ALDH3A1: variants seen among roughly 807,000 people sequenced by gnomAD.
The protein encoded by ALDH3A1 is aldehyde dehydrogenase, dimeric NADP-preferring.
ALDH3A1 carries 46 observed loss-of-function variants against 49.9 expected under a neutral mutation model. The observed-to-expected ratio is 0.92, with a 90% CI of 0.73 to 1.18. ALDH3A1 has a LOEUF of 1.18. ALDH3A1 is among the 50% of genes most tolerant of loss of function. The pLI is 0.00. For missense variants in ALDH3A1, 592 were observed against 611.8 expected, an observed-to-expected ratio of 0.97 and a Z score of 0.34; for synonymous variants, 269 against 253.3, an observed-to-expected ratio of 1.06 and a Z score of -0.59.
intron 7 of ALDH3A1, among the ~76,000 whole-genome samples, chr17:19,740,011 C>G (rs1040315998): frequency 1.3e-5 from 2 of 152,202 alleles, no homozygotes; most frequent in African/African-American, 4.8e-5. Context: ...TGGTGACCCA[C>G]AGCCTGGGCA....
intron 2 of ALDH3A1, chr17:19,744,730 G>T (rs935978150): frequency 2.2e-6 from 3 of 1,352,906 alleles, no homozygotes; most frequent in Admixed American, 3.8e-5. Flanking sequence ...AATGGGGGAC[G>T]CTGCGGGCGG....
Position 19,743,181 on chromosome 17 carries a change from C to T in ALDH3A1, c.394+51G>A. The T allele has an allele frequency of 6.2e-7, 1 of 1,605,802 alleles. No homozygotes were observed. The highest frequency in any genetic ancestry group is 8.5e-7 in the Non-Finnish European group (1 of 1,177,030). Reference sequence around the variant, plus strand: ...GCCTGAGCCCATCCTGGCTTGGCTCCACGCTGGGGGACGGTGCTCCCCCAG... The same window carrying T: ...GCCTGAGCCCATCCTGGCTTGGCTCTACGCTGGGGGACGGTGCTCCCCCAG... On this transcript the variant is annotated intron_variant, in intron 3 of 10. Coordinates refer to ENST00000225740, the MANE Select transcript of ALDH3A1 (RefSeq NM_000691.5). The surrounding 1 kb of genome is among the most constrained non-coding windows in gnomAD (Gnocchi z 4.4).
rs1326697028 is a variant in ALDH3A1, at chr17:19,746,656, TGTGTGTGTGTGCGTGTGTGTGC to T, written c.-5-1544_-5-1523del. On this transcript the variant is annotated intron_variant, in intron 1 of 10. Coordinates refer to ENST00000225740, the MANE Select transcript of ALDH3A1 (RefSeq NM_000691.5). ...GTGTGTGCGTGTGCGTGTGTGTGCA[TGTGTGTGTGTGCGTGTGTGTGC>T]ATGTGCGTGTGTGTGTGCGTGCGTG... Among the ~76,000 whole-genome samples, 1,268 of 142,148 alleles carry T rather than the reference TGTGTGTGTGTGCGTGTGTGTGC, an allele frequency of 8.9e-3. 16 individuals carry two copies. The highest frequency in any genetic ancestry group is 0.033 in the African/African-American group (1,200 of 36,784). 93.3% of individuals were successfully genotyped at this position (142,148 alleles called of 152,430 possible).
At position 19,739,074 on chromosome 17, in the gene ALDH3A1, C is replaced by G; in HGVS notation, c.1138G>C (p.Glu380Gln). The G allele has an allele frequency of 6.2e-7, 1 of 1,613,832 alleles. No individual in the cohort carries two copies. The highest frequency in any genetic ancestry group is 8.5e-7 in the Non-Finnish European group (1 of 1,179,974). The change falls in exon 9 of 11, where the codon GAG (glutamate) becomes CAG (glutamine). Residue 380 changes from glutamate (E) to glutamine (Q), a missense_variant. Glu to Gln is a conservative substitution (Grantham distance 29). Transcript: ENST00000225740. ...NDKVIKKMIA[E>Q]TSSGGVAAND... ...GCCGCCACCCCACCACTGGATGTCT[C>G]TGCAATCATCTTCTTAATCACCTGC...
rs778904408 is a variant in ALDH3A1 at position 19,745,117 on chromosome 17, T to C, written c.13A>G (p.Ser5Gly). ...GCGCGGGCGCGCTTCACGGCCTCGC[T>C]GATCTTGCTCATGGCGCCTGGGGAC... is the stretch of plus-strand genomic sequence containing the variant. MSKI[S>G]EAVKRARAAF... Residue 5 changes from serine (S) to glycine (G), a missense_variant, in exon 2 of 11, where the codon AGC becomes GGC. Coordinates refer to ENST00000225740, the MANE Select transcript of ALDH3A1 (RefSeq NM_000691.5). 14 of 1,579,970 alleles carry C rather than the reference T, an allele frequency of 8.9e-6. No homozygotes were observed. In the East Asian group the frequency reaches 3.0e-4, roughly 34 times the overall value.
At chr17:19,745,870 A>G (rs181977780) in intron 1 of ALDH3A1, among the ~76,000 whole-genome samples, 98 of 152,382 alleles carry the variant, frequency 6.4e-4, no homozygotes, top group Middle Eastern at 3.4e-3. Flanking sequence ...GCCTTTCCTA[A>G]ACATTCACGA....
chr17:19,743,585 G>A lies in ALDH3A1; in HGVS notation c.163-122C>T, dbSNP rs528422510. On this transcript the variant is annotated intron_variant, in intron 2 of 10. Transcript: ENST00000225740. This position sits in a 1 kb window ranked among gnomAD's most constrained non-coding sequence, Gnocchi z 4.4. ...GGTCACTCACCCAGCCCAGGGTGGGGGCAGCCGCAGAAGGCTCCCAGGGGA... is the reference window on the plus strand; with the variant it reads ...GGTCACTCACCCAGCCCAGGGTGGGAGCAGCCGCAGAAGGCTCCCAGGGGA... 1.3e-4 allele frequency: 197 copies of A among 1,467,038 alleles called. 1 individual carries two copies. In the Middle Eastern group the frequency reaches 4.0e-3, roughly 30 times the overall value. The allele number at this position is 1,467,038 out of a possible 1,614,324, so 90.9% of individuals were successfully genotyped here.
rs374507907 is a variant in ALDH3A1 at position 19,742,384 on chromosome 17, T to C, written c.480+161A>G. Among the ~76,000 whole-genome samples, 13 of 152,268 alleles carry C rather than the reference T, an allele frequency of 8.5e-5. No individual in the cohort carries two copies. In the East Asian group the frequency reaches 2.3e-3, roughly 27 times the overall value. On this transcript the variant is annotated intron_variant, in intron 4 of 10. Transcript: ENST00000225740. ...ACCGCCTTTCCTGGCCCAGGGGCTC[T>C]GTTCACCCCAATGAGAGAGGGCAGC...
chr17:19,740,559 G>A (rs1597666843), intron 6 of ALDH3A1, 82 bp from the exon 7 acceptor site: 3 of 1,516,550 alleles, frequency 2.0e-6, no homozygotes, highest in East Asian at 4.5e-5. Flanking sequence ...GGCCAGCAGT[G>A]TCTGTCTTTG....
At chr17:19,744,914 C>CCCCCCCCCCCCCCCCGGG in intron 2 of ALDH3A1, 54 bp downstream of exon 2, 2 of 1,196,490 alleles carry the variant, frequency 1.7e-6, no homozygotes, top group Non-Finnish European at 2.2e-6. Flanking sequence ...CCTCCCCCCA[C>CCCCCCCCCCCCCCCCGGG]GCCCCATCGC....
intron 7 of ALDH3A1, 25 bp downstream of exon 7, chr17:19,740,311 G>C (rs767646732): frequency 1.9e-6 from 3 of 1,610,678 alleles, no homozygotes; most frequent in Non-Finnish European, 2.5e-6. Flanking sequence ...GGGCAGGTGG[G>C]CTGTGCTCTT....
rs757032351 is a variant in ALDH3A1 at position 19,745,033 on chromosome 17, G to C, written c.97C>G (p.Leu33Val). The change falls in exon 2 of 11, where the codon CTG becomes GTG. Residue 33 changes from leucine to valine, a missense_variant. Physicochemically the swap from Leu to Val is conservative, Grantham distance 32. Transcript: ENST00000225740. ...LQFRIQQLEA[L>V]QRLIQEQEQE... ...TCCTGCTCCTGGATCAGGCGCTGCA[G>C]CGCCTCCAGCTGCTGGATCCGGAAC... is the stretch of plus-strand genomic sequence containing the variant. 24 of 1,596,316 alleles carry C rather than the reference G, an allele frequency of 1.5e-5. No homozygotes were observed. The highest frequency in any genetic ancestry group is 5.4e-5 in the African/African-American group (4 of 74,650).
Position 19,743,627 on chromosome 17 carries a change from GC to G in ALDH3A1, c.163-165del. The G allele has an allele frequency of 1.4e-6, 2 of 1,426,520 alleles. No homozygotes were observed. The highest frequency in any genetic ancestry group is 1.8e-6 in the Non-Finnish European group (2 of 1,094,924). 88.4% of individuals were successfully genotyped at this position (1,426,520 alleles called of 1,614,324 possible). A position where few individuals can be genotyped will look rare whatever the true frequency, so the allele number is the denominator to read the frequency against. Reference sequence around the variant, plus strand: ...CCCAGGGGAAGCAGAGCCAGGATTAGCCGTTGGACCTGTGGGTCTGAGAGGA... The same window carrying G: ...CCCAGGGGAAGCAGAGCCAGGATTAGCGTTGGACCTGTGGGTCTGAGAGGA... On this transcript the variant is annotated intron_variant, in intron 2 of 10. Coordinates refer to ENST00000225740, the MANE Select transcript of ALDH3A1 (RefSeq NM_000691.5). This position sits in a 1 kb window ranked among gnomAD's most constrained non-coding sequence, Gnocchi z 4.4.
At position 19,738,571 on chromosome 17, in the gene ALDH3A1, C is replaced by A. The variant is rs913247072; in HGVS notation, c.1217-118G>T. 3.6e-6 allele frequency: 5 copies of A among 1,402,328 alleles called. No homozygotes were observed. The African/African-American group carries it at 7.1e-5, about 20-fold the overall frequency. The allele number at this position is 1,402,328 out of a possible 1,614,324, so 86.9% of individuals were successfully genotyped here. On this transcript the variant is annotated intron_variant, in intron 9 of 10. Coordinates refer to ENST00000225740, the MANE Select transcript of ALDH3A1 (RefSeq NM_000691.5). The stretch of plus-strand genomic sequence containing the variant: ...CAGGGACAGGGAGGCAGAGCCCCAG[C>A]CACCATCACCCATCCTTCCCTCAAA...
chr17:19,739,555 G>T lies in ALDH3A1; in HGVS notation c.1069C>A (p.Gln357Lys). 4 of 1,613,320 alleles carry T rather than the reference G, an allele frequency of 2.5e-6. No homozygotes were observed. The highest frequency in any genetic ancestry group is 2.5e-6 in the Non-Finnish European group (3 of 1,179,786). The change falls in exon 8 of 11, where the codon CAG becomes AAG. Residue 357 changes from glutamine to lysine, a missense_variant. Transcript: ENST00000225740. The part of the protein sequence containing the change: ...SLEEAIQFIN[Q>K]REKPLALYMF... ...TAGAGGGCCAGGGGCTTCTCACGCT[G>T]GTTGATGAACTGGATGGCCTCCTCC... is the stretch of plus-strand genomic sequence containing the variant.
chr17:19,743,313 G>T lies in ALDH3A1; in HGVS notation c.313C>A (p.Leu105Met). ...GTGCCAATGACGAGGACCACGCCCA[G>T]TGGCTCCGAGTGGATGTAGAGCTCG... is the stretch of plus-strand genomic sequence containing the variant. ...QDELYIHSEP[L>M]GVVLVIGTWN... The change falls in exon 3 of 11, where the codon CTG becomes ATG. Residue 105 changes from leucine to methionine, a missense_variant. Leu to Met is a conservative substitution (Grantham distance 15). Transcript: ENST00000225740. The surrounding 1 kb of genome is among the most constrained non-coding windows in gnomAD (Gnocchi z 4.4). 4 of 1,614,212 alleles carry T rather than the reference G, an allele frequency of 2.5e-6. No homozygotes were observed. The South Asian group carries it at 3.3e-5, about 13-fold the overall frequency.
At chr17:19,742,491 G>A (rs1597670280) in intron 4 of ALDH3A1, 54 bp downstream of exon 4, 2 of 1,565,274 alleles carry the variant, frequency 1.3e-6, no homozygotes, top group East Asian at 2.3e-5. Context: ...CAAAGACCTG[G>A]CCCTAGCTCA....
chr17:19,740,422 G>T lies in ALDH3A1; in HGVS notation c.863C>A (p.Ala288Asp), dbSNP rs759014850. The T allele has an allele frequency of 6.2e-6, 10 of 1,614,128 alleles. No homozygotes were observed. Among genetic ancestry groups the T allele is most frequent in the East Asian group, 2.2e-5 (1 of 44,870 alleles). The change falls in exon 7 of 11, where the codon GCC becomes GAC. Residue 288 changes from alanine to aspartate, a missense_variant. By Grantham distance (126) the Ala-to-Asp change is moderately radical. Coordinates refer to ENST00000225740, the MANE Select transcript of ALDH3A1 (RefSeq NM_000691.5). ...KSRDYGRIIS[A>D]RHFQRVMGLI... is the part of the protein sequence containing the mutation. Reference sequence around the variant, plus strand: ...GCCCATCACCCTCTGGAAGTGCCGGGCACTAATGATTCTTCCATAGTCCCG... The same window carrying T: ...GCCCATCACCCTCTGGAAGTGCCGGTCACTAATGATTCTTCCATAGTCCCG...
At position 19,738,031 on chromosome 17, in the gene ALDH3A1, G is replaced by T. The variant is rs1324953388; in HGVS notation, c.*190C>A. On this transcript the variant is annotated 3_prime_UTR_variant, in exon 11 of 11. Coordinates refer to ENST00000225740, the MANE Select transcript of ALDH3A1 (RefSeq NM_000691.5). ...TTCGTCTCTTTATTGGTCTAGAAAG[G>T]GGTGGAGACTTGGAATGGTGAGGCC... is the stretch of plus-strand genomic sequence containing the variant. The T allele has an allele frequency of 1.3e-6, 2 of 1,516,634 alleles. No homozygotes were observed. The highest frequency in any genetic ancestry group is 1.8e-6 in the Non-Finnish European group (2 of 1,133,422). The allele number at this position is 1,516,634 out of a possible 1,614,324, so 93.9% of individuals were successfully genotyped here. A position where few individuals can be genotyped will look rare whatever the true frequency, so the allele number is the denominator to read the frequency against.
Sources: gnomAD v4.1 joint callset for allele counts (sites outside exome capture counted in the v4.1 genomes callset) on GRCh38, gnomAD v4.1.1 for gene constraint, Gnocchi (gnomAD v3.1) non-coding constraint, MANE v1.5 for transcripts, NCBI Gene and HGNC (gene_info 2026-07-23, HGNC 2026-07-21) for gene names.